The following RABGAP1L variants were observed in gnomAD, a reference collection of about 807,000 sequenced individuals.
RABGAP1L encodes RAB GTPase activating protein 1 like.
Under a neutral mutation model 137.7 loss-of-function variants are expected in RABGAP1L, and 63 were observed. The ratio of observed to expected loss-of-function variants is 0.46; its 90% CI spans 0.37 to 0.56. The LOEUF (loss-of-function observed/expected upper bound fraction) is 0.56. RABGAP1L is among the 20% of genes least tolerant of loss of function. RABGAP1L has a pLI of 0.00. For missense variants in RABGAP1L, 1,095 were observed against 1,244.0 expected (o/e 0.88, Z 1.80); for synonymous variants, 431 against 433.7 (o/e 0.99, Z 0.08).
At chr1:174,349,045 G>GT (rs969509368) in intron 11 of RABGAP1L, among the ~76,000 whole-genome samples, 13 of 24,690 alleles carry the variant, frequency 5.3e-4, no homozygotes, top group Admixed American at 1.4e-3. Context: ...CTGGCCGGGC[G>GT]GGGGGGGGGC....
At chr1:174,202,384 C>T (rs1461887444) in intron 1 of RABGAP1L, among the ~76,000 whole-genome samples, 2 of 152,182 alleles carry the variant, frequency 1.3e-5, no homozygotes, top group African/African-American at 4.8e-5. Context: ...TTTTGATTTG[C>T]ATTTCTCTGA....
intron 11 of RABGAP1L, among the ~76,000 whole-genome samples, chr1:174,352,987 T>C (rs1400212570): frequency 6.6e-6 from 1 of 152,186 alleles, no homozygotes; most frequent in Non-Finnish European, 1.5e-5. Flanking sequence ...GACACAACCA[T>C]TTCTGTGGCC....
At chr1:174,354,557 A>G (rs959649152) in intron 11 of RABGAP1L, among the ~76,000 whole-genome samples, 4 of 152,258 alleles carry the variant, frequency 2.6e-5, no homozygotes, top group Non-Finnish European at 5.9e-5. Context: ...ACTGAATGAT[A>G]GCCATATGCT....
In RABGAP1L at chr1:174,978,680, G is replaced by A. The variant is rs1260477005; in HGVS notation, c.2650-127G>A. 18 of 1,114,544 alleles carry A rather than the reference G, an allele frequency of 1.6e-5. 1 individual carries two copies. The highest frequency in any genetic ancestry group is 2.1e-5 in the Non-Finnish European group (18 of 851,930). 69.0% of individuals were successfully genotyped at this position (1,114,544 alleles called of 1,614,324 possible). A position where few individuals can be genotyped will look rare whatever the true frequency, so the allele number is the denominator to read the frequency against. ...ATTATCAAGATGCAGCTTCCATGAA[G>A]ATAATTTATATAGTTAACATTGTTA... On this transcript the variant is annotated intron_variant, in intron 22 of 25. Transcript: ENST00000681986.
rs565374927 is a variant in RABGAP1L, at chr1:174,908,940, G to A, written c.2341-48517G>A. 2.5e-4 allele frequency among the ~76,000 whole-genome samples: 37 copies of A among 150,714 alleles called. No homozygotes were observed. In the South Asian group the frequency reaches 5.5e-3, roughly 22 times the overall value. Reference sequence around the variant, plus strand: ...TGTAATCCCAGCACTTTGGGAGGCCGAGGCGGGCAGATCACGAGGTCAGGA... The same window carrying A: ...TGTAATCCCAGCACTTTGGGAGGCCAAGGCGGGCAGATCACGAGGTCAGGA... On this transcript the variant is annotated intron_variant, in intron 19 of 25. Coordinates refer to ENST00000681986, the MANE Select transcript of RABGAP1L (RefSeq NM_001366446.1).
intron 13 of RABGAP1L, chr1:174,449,060 T>C (rs756704842): frequency 1.2e-6 from 2 of 1,614,084 alleles, no homozygotes; most frequent in South Asian, 2.2e-5. Context: ...CTGTGTAATA[T>C]ACAGCCTCTC....
chr1:174,476,134 C>G (rs1658483152), intron 13 of RABGAP1L, among the ~76,000 whole-genome samples: 2 of 152,086 alleles, frequency 1.3e-5, no homozygotes, highest in Admixed American at 1.3e-4. Flanking sequence ...AATAACTTTT[C>G]AACAAAGTTC....
intron 17 of RABGAP1L, among the ~76,000 whole-genome samples, chr1:174,721,526 A>G (rs571980381): frequency 6.6e-6 from 1 of 152,210 alleles, no homozygotes; most frequent in African/African-American, 2.4e-5. Context: ...CAGAGAACAG[A>G]TGCATATTTT....
intron 19 of RABGAP1L, among the ~76,000 whole-genome samples, chr1:174,883,157 G>T (rs1052803649): frequency 2.0e-5 from 3 of 152,118 alleles, no homozygotes; most frequent in Admixed American, 2.0e-4. Flanking sequence ...ACAGTTCTCA[G>T]TTCAAGTTTT....
chr1:174,508,533 G>A (rs1488770245), intron 13 of RABGAP1L, among the ~76,000 whole-genome samples: 1 of 152,180 alleles, frequency 6.6e-6, no homozygotes, highest in Non-Finnish European at 1.5e-5. Flanking sequence ...CAGAGAAAAA[G>A]TGGCTAAGAT....
intron 1 of RABGAP1L, among the ~76,000 whole-genome samples, chr1:174,200,091 T>A (rs1334126378): frequency 6.6e-6 from 1 of 152,210 alleles, no homozygotes; most frequent in Non-Finnish European, 1.5e-5. Flanking sequence ...AAAAATCAAA[T>A]AAGCTAAAAT....
chr1:174,990,126 C>A lies in RABGAP1L; in HGVS notation c.*125C>A. 8.3e-7 allele frequency: 1 copy of A among 1,207,844 alleles called. No homozygotes were observed. The highest frequency in any genetic ancestry group is 1.1e-6 in the Non-Finnish European group (1 of 880,580). 74.8% of individuals were successfully genotyped at this position (1,207,844 alleles called of 1,614,324 possible). A position where few individuals can be genotyped will look rare whatever the true frequency, so the allele number is the denominator to read the frequency against. On this transcript the variant is annotated 3_prime_UTR_variant, in exon 26 of 26. Coordinates refer to ENST00000681986, the MANE Select transcript of RABGAP1L (RefSeq NM_001366446.1). ...AAAACAAGCCAGAATTTTTCAGTAG[C>A]TCTCACTCTTTCTTGTATGACACTT...
chr1:174,519,399 A>G (rs557590785), intron 13 of RABGAP1L, among the ~76,000 whole-genome samples: 2 of 152,234 alleles, frequency 1.3e-5, no homozygotes, highest in East Asian at 3.9e-4. Flanking sequence ...TGGGAGAAAG[A>G]TGTAGGCTGG....
At chr1:174,386,494 T>C (rs375713327) in intron 12 of RABGAP1L, among the ~76,000 whole-genome samples, 1 of 151,938 alleles carries the variant, frequency 6.6e-6, no homozygotes, top group African/African-American at 2.4e-5. Context: ...TGTGTGTGTT[T>C]GTGTGTGTTT....
At chr1:174,244,307 A>G (rs1672072447) in intron 5 of RABGAP1L, 1 of 152,246 alleles carries the variant, frequency 6.6e-6, no homozygotes, top group Non-Finnish European at 1.5e-5. Flanking sequence ...GAGTTCGTGG[A>G]TGAGAGCTGA....
At chr1:174,313,007 G>A (rs1323000249) in intron 11 of RABGAP1L, among the ~76,000 whole-genome samples, 1 of 152,144 alleles carries the variant, frequency 6.6e-6, no homozygotes, top group African/African-American at 2.4e-5. Flanking sequence ...TAGCTCTGTA[G>A]TATAGTTTGA....
In RABGAP1L at chr1:174,196,575, CTTTTTTT is replaced by C. The variant is rs746727810; in HGVS notation, c.-33-22542_-33-22536del. Among the ~76,000 whole-genome samples the C allele has an allele frequency of 4.3e-3, 611 of 140,570 alleles. 4 individuals are homozygous for C. Among genetic ancestry groups the C allele is most frequent in the African/African-American group, 0.013 (507 of 38,716 alleles). The allele number at this position is 140,570 out of a possible 152,430, so 92.2% of individuals were successfully genotyped here. A position where few individuals can be genotyped will look rare whatever the true frequency, so the allele number is the denominator to read the frequency against. ...ATTTTTTGAGTTTTTAATCTTTTTTCTTTTTTTTTTTTTTCTCTTTACTGAAGTTCTA... is the reference window on the plus strand; with the variant it reads ...ATTTTTTGAGTTTTTAATCTTTTTTCTTTTTTTCTCTTTACTGAAGTTCTA... On this transcript the variant is annotated intron_variant, in intron 1 of 25. Coordinates refer to ENST00000681986, the MANE Select transcript of RABGAP1L (RefSeq NM_001366446.1).
intron 10 of RABGAP1L, among the ~76,000 whole-genome samples, chr1:174,295,484 A>G (rs2148733244): frequency 6.6e-6 from 1 of 151,664 alleles, no homozygotes; most frequent in South Asian, 2.1e-4. Context: ...CATGGGTTCA[A>G]GCGATTCTCT....
At chr1:174,508,180 T>G (rs1662006349) in intron 13 of RABGAP1L, among the ~76,000 whole-genome samples, 1 of 152,140 alleles carries the variant, frequency 6.6e-6, no homozygotes, top group Non-Finnish European at 1.5e-5. Context: ...GAAACCCTTA[T>G]CTTCTCTACA....
Sources: gnomAD v4.1 joint callset for allele counts (sites outside exome capture counted in the v4.1 genomes callset) on GRCh38, gnomAD v4.1.1 for gene constraint, MANE v1.5 for transcripts, NCBI Gene and HGNC (gene_info 2026-07-23, HGNC 2026-07-21) for gene names.